The following ZNF114 variants were observed in gnomAD, a reference collection of about 807,000 sequenced individuals.
The protein encoded by ZNF114 is zinc finger protein 114, also known as zinc finger protein 114 (Y18).
Under a neutral mutation model 6.8 loss-of-function variants are expected in ZNF114, and 8 were observed. The observed-to-expected ratio is 1.18, with a 90% CI of 0.69 to 2.13. ZNF114 has a LOEUF of 2.13. ZNF114 is among the 30% of genes most tolerant of loss of function. The pLI is 0.00. For missense variants in ZNF114, 472 were observed against 519.5 expected, an observed-to-expected ratio of 0.91 and a Z score of 0.89; for synonymous variants, 169 against 185.5, an observed-to-expected ratio of 0.91 and a Z score of 0.72.
At chr19:48,279,837 A>AGC in intron 4 of ZNF114, 29 bp downstream of exon 4, 1 of 1,613,760 alleles carries the variant, frequency 6.2e-7, no homozygotes, top group South Asian at 1.1e-5. Flanking sequence ...CTCTCCCAGA[A>AGC]GCGTGTTGTC....
intron 3 of ZNF114, among the ~76,000 whole-genome samples, chr19:48,278,704 G>A (rs1600840728): frequency 6.6e-6 from 1 of 152,300 alleles, no homozygotes; most frequent in East Asian, 1.9e-4. Flanking sequence ...CACTTTGGGA[G>A]GGCGAGGCGG....
chr19:48,277,802 T>TGTGTGTGTGTGTGTGTGA (rs1967883989), intron 3 of ZNF114, among the ~76,000 whole-genome samples: 1 of 136,546 alleles, frequency 7.3e-6, no homozygotes, highest in African/African-American at 2.9e-5. Flanking sequence ...TGGGTGTGTG[T>TGTGTGTGTGTGTGTGTGA]GTGTGTGTGT....
In ZNF114 at chr19:48,286,852, C is replaced by G; in HGVS notation, c.1228C>G (p.His410Asp). The G allele has an allele frequency of 6.4e-7, 1 of 1,568,890 alleles. No individual in the cohort carries two copies. The highest frequency in any genetic ancestry group is 1.2e-5 in the South Asian group (1 of 82,976). Residue 410 changes from histidine (H) to aspartate (D), a missense_variant, in exon 6 of 6, where the codon CAC becomes GAC. Transcript: ENST00000595607. ...AGGACTTAAAAAACATCTTAAGACT[C>G]ACAAAGATGAGAAGCCCTGTGAATG... Reference protein sequence around the residue: ...SSGLKKHLKTHKDEKPCE With the variant: ...SSGLKKHLKTDKDEKPCE
At chr19:48,282,338 C>A (rs1432589962) in intron 4 of ZNF114, 33 bp from the exon 5 acceptor site, 12 of 1,609,960 alleles carry the variant, frequency 7.5e-6, no homozygotes, top group Non-Finnish European at 1.0e-5. Flanking sequence ...TAACAGGACA[C>A]CCCTCCGAGC....
chr19:48,277,794 G>GGTGGGGGTGT (rs1555876488), intron 3 of ZNF114, among the ~76,000 whole-genome samples: 1 of 119,338 alleles, frequency 8.4e-6, no homozygotes, highest in African/African-American at 3.3e-5. Flanking sequence ...GGAGGCATTG[G>GGTGGGGGTGT]GTGTGTGTGT....
At chr19:48,284,752 TA>T (rs1427780044) in intron 5 of ZNF114, among the ~76,000 whole-genome samples, 1 of 152,192 alleles carries the variant, frequency 6.6e-6, no homozygotes, top group Admixed American at 6.5e-5. Flanking sequence ...TTTTGACTTT[TA>T]TCCATCCTCT....
At chr19:48,272,420 AAAT>A (rs1459648041) in intron 3 of ZNF114, among the ~76,000 whole-genome samples, 8 of 137,034 alleles carry the variant, frequency 5.8e-5, no homozygotes, top group South Asian at 2.3e-4. Flanking sequence ...TCAAAAAAAA[AAAT>A]AAATAATAAT....
chr19:48,285,539 G>C (rs376808365), intron 5 of ZNF114, among the ~76,000 whole-genome samples: 1 of 90,014 alleles, frequency 1.1e-5, no homozygotes, highest in African/African-American at 3.9e-5. Context: ...GAGAGAGAGA[G>C]GAAAGAAGGA....
Position 48,286,234 on chromosome 19 carries a change from C to G in ZNF114, c.610C>G (p.Gln204Glu), listed in dbSNP as rs1968124645. ...ELKSSTWTGSQNTVHHIRDEI... is the reference protein window; with the variant it reads ...ELKSSTWTGSENTVHHIRDEI... Reference sequence around the variant, plus strand: ...GAAATCAAGCACATGGACTGGCAGTCAGAACACTGTGCATCATATACGTGA... The same window carrying G: ...GAAATCAAGCACATGGACTGGCAGTGAGAACACTGTGCATCATATACGTGA... Residue 204 changes from glutamine (Q) to glutamate (E), a missense_variant, in exon 6 of 6, where the codon CAG becomes GAG. Transcript: ENST00000595607. 29 of 1,614,078 alleles carry G rather than the reference C, an allele frequency of 1.8e-5. No homozygotes were observed. The highest frequency in any genetic ancestry group is 4.5e-5 in the East Asian group (2 of 44,886).
intron 5 of ZNF114, among the ~76,000 whole-genome samples, chr19:48,284,327 T>C (rs935799902): frequency 1.3e-5 from 2 of 152,038 alleles, no homozygotes; most frequent in Non-Finnish European, 2.9e-5. Flanking sequence ...TTTGGGAGGC[T>C]GAGGCAGGAG....
At chr19:48,275,233 AAGGG>A (rs1183081787) in intron 3 of ZNF114, among the ~76,000 whole-genome samples, 35 of 124,862 alleles carry the variant, frequency 2.8e-4, no homozygotes, top group South Asian at 6.0e-4. Context: ...GGAAGGAAGG[AAGGG>A]AGGGAGGGAG....
chr19:48,287,409 A>AC lies in ZNF114; in HGVS notation c.*531_*532insC. On this transcript the variant is annotated 3_prime_UTR_variant, in exon 6 of 6. Transcript: ENST00000595607. ...CTACTTGGGAGGCTGAGGTAGGAGA[A>AC]TGGTGTAAACCTGGGAGGTGGAGCT... 3.9e-5 allele frequency: 6 copies of AC among 152,214 alleles called. No individual in the cohort carries two copies. The highest frequency in any genetic ancestry group is 3.9e-4 in the Admixed American group (6 of 15,264). 9.4% of individuals were successfully genotyped at this position (152,214 alleles called of 1,614,324 possible).
chr19:48,287,155 T>A lies in ZNF114; in HGVS notation c.*277T>A. On this transcript the variant is annotated 3_prime_UTR_variant, in exon 6 of 6. Transcript: ENST00000595607. ...TTCAGCGTGGTCTCAAATTCATGGT[T>A]CATACAAGAACTCACACTGCAGAGA... 1 of 244,356 alleles carries A rather than the reference T, an allele frequency of 4.1e-6. No homozygotes were observed. Among genetic ancestry groups the A allele is most frequent in the Non-Finnish European group, 7.8e-6 (1 of 128,332 alleles). 15.1% of individuals were successfully genotyped at this position (244,356 alleles called of 1,614,324 possible). A position where few individuals can be genotyped will look rare whatever the true frequency, so the allele number is the denominator to read the frequency against.
chr19:48,272,542 C>A (rs1230472673), intron 3 of ZNF114, among the ~76,000 whole-genome samples: 3 of 149,626 alleles, frequency 2.0e-5, no homozygotes, highest in Non-Finnish European at 4.5e-5. Context: ...TGCAGTGAGC[C>A]GAGCGCCTGT....
intron 3 of ZNF114, among the ~76,000 whole-genome samples, chr19:48,275,457 C>A (rs868387264): frequency 1.1e-4 from 16 of 144,554 alleles, no homozygotes; most frequent in African/African-American, 2.5e-4. Flanking sequence ...CACACACACA[C>A]AAAATAGCCA....
chr19:48,275,457 C>CACACACAAAA (rs1181746572), intron 3 of ZNF114, among the ~76,000 whole-genome samples: 27 of 144,678 alleles, frequency 1.9e-4, no homozygotes, highest in African/African-American at 6.8e-4. Flanking sequence ...CACACACACA[C>CACACACAAAA]AAAATAGCCA....
intron 3 of ZNF114, among the ~76,000 whole-genome samples, chr19:48,277,842 G>A (rs1038452694): frequency 8.2e-5 from 2 of 24,264 alleles, no homozygotes; most frequent in South Asian, 1.2e-3. Context: ...TGTTCGTGAC[G>A]ATATGAAGCC....
chr19:48,273,732 TC>T (rs1967741185), intron 3 of ZNF114, among the ~76,000 whole-genome samples: 1 of 149,620 alleles, frequency 6.7e-6, no homozygotes, highest in African/African-American at 2.5e-5. Flanking sequence ...GTGACTTGGA[TC>T]CCCCAGGCAA....
In ZNF114 at chr19:48,279,793, G is replaced by C. The variant is rs976844800; in HGVS notation, c.-7G>C. The C allele has an allele frequency of 6.2e-7, 1 of 1,613,884 alleles. No homozygotes were observed. ...AGCCAGGACTGGCCGTCACGTTGGT[G>C]ACAAATATGTCCCAGGTAAGTTGGC... is the stretch of plus-strand genomic sequence containing the variant. On this transcript the variant is annotated 5_prime_UTR_variant, in exon 4 of 6. Transcript: ENST00000595607.
Sources: gnomAD v4.1 joint callset for allele counts (sites outside exome capture counted in the v4.1 genomes callset) on GRCh38, gnomAD v4.1.1 for gene constraint, MANE v1.5 for transcripts, NCBI Gene and HGNC (gene_info 2026-07-23, HGNC 2026-07-21) for gene names.